The following ZNF362 variants were observed in gnomAD, a reference collection of about 807,000 sequenced individuals.
ZNF362 encodes rotund homolog.
In ZNF362, 11 loss-of-function variants were observed where a neutral mutation model predicts 42.9. The ratio of observed to expected loss-of-function variants is 0.26; its 90% CI spans 0.16 to 0.42. The LOEUF (loss-of-function observed/expected upper bound fraction) is 0.42. Among genes scored for constraint, ZNF362 ranks in the 20% least tolerant of loss-of-function variants. ZNF362 has a pLI of 1.00. For missense variants in ZNF362, 362 were observed against 576.2 expected, an observed-to-expected ratio of 0.63 and a Z score of 3.81; for synonymous variants, 255 against 257.3, an observed-to-expected ratio of 0.99 and a Z score of 0.09.
At chr1:33,201,306 A>G in the ZNF362 span, among the ~76,000 whole-genome samples, 3 of 152,250 alleles carry the variant, frequency 2.0e-5, no homozygotes, top group Admixed American at 6.5e-5. Context: ...ATAGACATTT[A>G]TAGAACACTT....
chr1:33,251,186 A>T, the ZNF362 span, among the ~76,000 whole-genome samples: 2 of 152,204 alleles, frequency 1.3e-5, no homozygotes, highest in South Asian at 4.1e-4. Flanking sequence ...GTCCCAGATG[A>T]GTCCAGGGTC....
the ZNF362 span, among the ~76,000 whole-genome samples, chr1:33,232,267 T>C: frequency 6.6e-6 from 1 of 152,038 alleles, no homozygotes; most frequent in South Asian, 2.1e-4. Flanking sequence ...TAAGTGGAAA[T>C]GTATTTTTTT....
At chr1:33,165,370 C>T in the ZNF362 span, 5 of 1,138,498 alleles carry the variant, frequency 4.4e-6, no homozygotes, top group Admixed American at 2.5e-5. This position sits in a 1 kb window ranked among gnomAD's most constrained non-coding sequence, Gnocchi z 4.0. Context: ...AGGTTTCCAC[C>T]GCACACCCGA....
At chr1:33,282,176 G>T (rs1275720697) in intron 6 of ZNF362, among the ~76,000 whole-genome samples, 1 of 152,202 alleles carries the variant, frequency 6.6e-6, no homozygotes, top group Non-Finnish European at 1.5e-5. Context: ...CTCTGTGCAT[G>T]TCCATCATAG....
chr1:33,214,731 G>C, the ZNF362 span, among the ~76,000 whole-genome samples: 2 of 152,094 alleles, frequency 1.3e-5, no homozygotes, highest in African/African-American at 4.8e-5. Context: ...ATGATTGATA[G>C]GTGTTTGAAA....
chr1:33,186,305 G>A, the ZNF362 span, among the ~76,000 whole-genome samples: 1 of 151,888 alleles, frequency 6.6e-6, no homozygotes, highest in African/African-American at 2.4e-5. Context: ...TGGTGATTTT[G>A]CTATTTAAAA....
the ZNF362 span, among the ~76,000 whole-genome samples, chr1:33,246,848 T>C: frequency 6.6e-6 from 1 of 152,224 alleles, no homozygotes; most frequent in Non-Finnish European, 1.5e-5. Context: ...ATGCAGTTAT[T>C]GGTTCAAGGG....
At position 33,280,495 on chromosome 1, in the gene ZNF362, G is replaced by A; in HGVS notation, c.683+38G>A. ...GCGGGATGGGGTCCGAGTGGGCTTGGGGCTGGGGCTTGAGCCAGGGCTGCT... is the reference window on the plus strand; with the variant it reads ...GCGGGATGGGGTCCGAGTGGGCTTGAGGCTGGGGCTTGAGCCAGGGCTGCT... On this transcript the variant is annotated intron_variant, in intron 5 of 8. Transcript: ENST00000539719. This position sits in a 1 kb window ranked among gnomAD's most constrained non-coding sequence, Gnocchi z 5.6. 1 of 1,509,226 alleles carries A rather than the reference G, an allele frequency of 6.6e-7. No individual in the cohort carries two copies. Among genetic ancestry groups the A allele is most frequent in the Non-Finnish European group, 8.9e-7 (1 of 1,123,102 alleles). 93.5% of individuals were successfully genotyped at this position (1,509,226 alleles called of 1,614,324 possible). A position where few individuals can be genotyped will look rare whatever the true frequency, so the allele number is the denominator to read the frequency against.
the ZNF362 span, chr1:33,145,872 A>G: frequency 2.1e-6 from 1 of 471,140 alleles, no homozygotes; most frequent in Non-Finnish European, 4.4e-6. Context: ...GGGAAATGAC[A>G]TTTCCCAGAC....
At chr1:33,208,409 T>C in the ZNF362 span, among the ~76,000 whole-genome samples, 1 of 152,174 alleles carries the variant, frequency 6.6e-6, no homozygotes, top group East Asian at 1.9e-4. Context: ...CTTGGCTCTG[T>C]GGGCTCTTTT....
At chr1:33,272,139 T>C (rs1460949624) in intron 2 of ZNF362, among the ~76,000 whole-genome samples, 2 of 152,100 alleles carry the variant, frequency 1.3e-5, no homozygotes, top group Non-Finnish European at 2.9e-5. Context: ...CCAGGTGTCA[T>C]GGTACACAGG....
the ZNF362 span, among the ~76,000 whole-genome samples, chr1:33,175,730 G>A: frequency 6.6e-6 from 1 of 152,026 alleles, no homozygotes; most frequent in South Asian, 2.1e-4. Flanking sequence ...AGATGGTACT[G>A]ATCTCAGTCC....
rs774672582 is a variant in ZNF362 at position 33,276,488 on chromosome 1, C to T, written c.243C>T (p.Ala81=). The change falls in exon 4 of 9, where the codon GCC becomes GCT. Residue 81 remains alanine (A), a synonymous_variant. Coordinates refer to ENST00000539719, the MANE Select transcript of ZNF362 (RefSeq NM_152493.3). ...VPPAPAESSQ[A]VMSLPKLQQV... ...CGGCACCCGCCGAGAGCAGCCAGGCCGTCATGTCGCTGCCCAAGCTGCAGC... is the reference window on the plus strand; with the variant it reads ...CGGCACCCGCCGAGAGCAGCCAGGCTGTCATGTCGCTGCCCAAGCTGCAGC... The T allele has an allele frequency of 4.4e-5, 69 of 1,585,864 alleles. No individual in the cohort carries two copies. The highest frequency in any genetic ancestry group is 2.3e-4 in the South Asian group (20 of 87,932).
chr1:33,205,510 T>C, the ZNF362 span, among the ~76,000 whole-genome samples: 1 of 151,830 alleles, frequency 6.6e-6, no homozygotes, highest in Admixed American at 6.6e-5. Flanking sequence ...GCAAAGGATC[T>C]AAAATAGAAA....
rs936686472 is a variant in ZNF362, at chr1:33,256,562, C to T, written c.-181C>T. 6.7e-6 allele frequency: 1 copy of T among 148,174 alleles called. No individual in the cohort carries two copies. The highest frequency in any genetic ancestry group is 2.4e-5 in the African/African-American group (1 of 40,830). The allele number at this position is 148,174 out of a possible 1,614,324, so 9.2% of individuals were successfully genotyped here. On this transcript the variant is annotated 5_prime_UTR_variant, in exon 1 of 9. Transcript: ENST00000539719. ...AGCGAGCCAGAGCCGGAGCCCGAGC[C>T]CGGAGCCTGTGCCGGAGCCCCAGCC...
At chr1:33,139,166 C>G in the ZNF362 span, among the ~76,000 whole-genome samples, 1 of 152,186 alleles carries the variant, frequency 6.6e-6, no homozygotes, top group East Asian at 1.9e-4. Context: ...GTCTCTGCCT[C>G]TTTTCCCTGG....
chr1:33,158,480 G>A, the ZNF362 span: 2 of 772,790 alleles, frequency 2.6e-6, no homozygotes, highest in Non-Finnish European at 2.2e-6. Flanking sequence ...TCATGAGTGA[G>A]AAGTCTGTGG....
chr1:33,197,427 C>G, the ZNF362 span, among the ~76,000 whole-genome samples: 1 of 152,168 alleles, frequency 6.6e-6, no homozygotes, highest in East Asian at 1.9e-4. Context: ...GCTATGGCAT[C>G]ACTAGGGGAT....
At chr1:33,157,231 C>T in the ZNF362 span, among the ~76,000 whole-genome samples, 1 of 152,206 alleles carries the variant, frequency 6.6e-6, no homozygotes, top group Non-Finnish European at 1.5e-5. Context: ...GACCCTCCTT[C>T]TCACTCATCT....
Sources: gnomAD v4.1 joint callset for allele counts (sites outside exome capture counted in the v4.1 genomes callset) on GRCh38, gnomAD v4.1.1 for gene constraint, Gnocchi (gnomAD v3.1) non-coding constraint, MANE v1.5 for transcripts, NCBI Gene and HGNC (gene_info 2026-07-23, HGNC 2026-07-21) for gene names.